Variants in GFM1 observed in about 807,000 individuals in gnomAD.
The protein encoded by GFM1 is G elongation factor mitochondrial 1, also known as elongation factor G, mitochondrial.
In GFM1, 62 loss-of-function variants were observed where a neutral mutation model predicts 96.2. The ratio of observed to expected loss-of-function variants is 0.64; its 90% CI spans 0.53 to 0.80. GFM1 has a LOEUF of 0.80. Among genes scored for constraint, GFM1 ranks in the 30% least tolerant of loss-of-function variants. GFM1 has a pLI of 0.00. For synonymous variants in GFM1, 282 were observed against 312.9 expected (o/e 0.90, Z 1.04); for missense variants, 852 against 916.6 (o/e 0.93, Z 0.91).
At chr3:158,655,452 C>T (rs1722669052) in intron 8 of GFM1, among the ~76,000 whole-genome samples, 1 of 150,720 alleles carries the variant, frequency 6.6e-6, no homozygotes, top group Admixed American at 6.6e-5. Flanking sequence ...CCACTGCACT[C>T]CAGCCTGGGC....
chr3:158,667,100 G>T, intron 13 of GFM1: 2 of 1,551,356 alleles, frequency 1.3e-6, no homozygotes, highest in African/African-American at 1.4e-5. Context: ...AAAACGTGTT[G>T]TTTAAAACTT....
At chr3:158,644,742 G>A (rs758326841) in intron 1 of GFM1, 27 bp downstream of exon 1, 37 of 1,544,618 alleles carry the variant, frequency 2.4e-5, no homozygotes, top group Non-Finnish European at 2.8e-5. Flanking sequence ...AGGCTAAATC[G>A]GGACCATTCC....
At chr3:158,662,755 G>A (rs1001488667) in intron 11 of GFM1, 71 bp downstream of exon 11, 3 of 881,160 alleles carry the variant, frequency 3.4e-6, no homozygotes, top group Non-Finnish European at 5.8e-6. Context: ...TCTCTACAAT[G>A]CACTTGATAT....
rs1418249862 is a variant in GFM1 at position 158,676,768 on chromosome 3, C to T, written c.1602-5227C>T. Among the ~76,000 whole-genome samples the T allele has an allele frequency of 2.0e-5, 3 of 151,094 alleles. No homozygotes were observed. In the East Asian group the frequency reaches 5.8e-4, roughly 29 times the overall value. On this transcript the variant is annotated intron_variant, in intron 13 of 17. Transcript: ENST00000486715. ...AGGCTGGAGTGCAGTGGTGCAATCT[C>T]AGCTAACTGCAACCTCCGCCTCCCA... is the stretch of plus-strand genomic sequence containing the variant.
Position 158,660,878 on chromosome 3 carries a change from T to C in GFM1, c.1226T>C (p.Val409Ala). The change falls in exon 10 of 18, where the codon GTT (valine) becomes GCT (alanine). Residue 409 changes from valine to alanine, a missense_variant. Coordinates refer to ENST00000486715, the MANE Select transcript of GFM1 (RefSeq NM_024996.7). ...TTGTGTTATTTGTTTTTTTAGGATG[T>C]TGAGGAAGTATATGCCGGAGACATC... ...ARMHADMMED[V>A]EEVYAGDICA... is the part of the protein sequence containing the mutation. The C allele has an allele frequency of 6.2e-7, 1 of 1,612,864 alleles. No individual in the cohort carries two copies. The highest frequency in any genetic ancestry group is 8.5e-7 in the Non-Finnish European group (1 of 1,178,884).
At chr3:158,688,173 A>T (rs1726019627) in intron 15 of GFM1, among the ~76,000 whole-genome samples, 1 of 152,216 alleles carries the variant, frequency 6.6e-6, no homozygotes, top group African/African-American at 2.4e-5. Flanking sequence ...TGTTTTCATG[A>T]TACTGATCAG....
intron 15 of GFM1, chr3:158,684,885 C>G: frequency 2.0e-6 from 1 of 497,986 alleles, no homozygotes; most frequent in South Asian, 3.0e-5. Context: ...CCTACATTCT[C>G]TGGGGCTTTC....
intron 13 of GFM1, chr3:158,669,118 C>G: frequency 6.2e-7 from 1 of 1,613,378 alleles, no homozygotes; most frequent in Non-Finnish European, 8.5e-7. Flanking sequence ...TCTGGAGATA[C>G]ATTTCCAAAA....
rs1423436825 is a variant in GFM1 at position 158,660,875 on chromosome 3, A to C, written c.1223A>C (p.Asp408Ala). 1 of 1,611,778 alleles carries C rather than the reference A, an allele frequency of 6.2e-7. No homozygotes were observed. The stretch of plus-strand genomic sequence containing the variant: ...ATTTTGTGTTATTTGTTTTTTTAGG[A>C]TGTTGAGGAAGTATATGCCGGAGAC... ...LARMHADMME[D>A]VEEVYAGDIC... The change falls in exon 10 of 18, where the codon GAT becomes GCT. Residue 408 changes from aspartate to alanine, a missense_variant and splice_region_variant. Coordinates refer to ENST00000486715, the MANE Select transcript of GFM1 (RefSeq NM_024996.7).
chr3:158,681,720 C>T (rs185072264), intron 13 of GFM1, among the ~76,000 whole-genome samples: 113 of 152,294 alleles, frequency 7.4e-4, no homozygotes, highest in African/African-American at 2.7e-3. Context: ...GAACCTTAGA[C>T]TGACCTTTTT....
chr3:158,646,647 C>T, intron 3 of GFM1, 96 bp from the exon 4 acceptor site: 1 of 1,042,954 alleles, frequency 9.6e-7, no homozygotes, highest in Non-Finnish European at 1.5e-6. Flanking sequence ...TATTAGAAGA[C>T]TTATGTGATG....
At chr3:158,689,747 CAAAAA>C (rs202180927) in intron 15 of GFM1, among the ~76,000 whole-genome samples, 2 of 92,264 alleles carry the variant, frequency 2.2e-5, no homozygotes. Context: ...GCTTGGGTGA[CAAAAA>C]AAAAAAAAAA....
chr3:158,685,987 A>G (rs948630845), intron 15 of GFM1, among the ~76,000 whole-genome samples: 2 of 151,926 alleles, frequency 1.3e-5, no homozygotes, highest in African/African-American at 4.8e-5. Flanking sequence ...TCCTGGAAAT[A>G]GAGGTTACAT....
intron 1 of GFM1, 75 bp from the exon 2 acceptor site, chr3:158,645,554 A>G (rs1721703326): frequency 8.9e-6 from 11 of 1,233,446 alleles, no homozygotes; most frequent in African/African-American, 1.5e-5. Context: ...AATAATGTCC[A>G]CCATACTCCT....
chr3:158,686,721 G>GTTTTTTTTTTTTTTTTTTTTTTTTTTTTT (rs67517331), intron 15 of GFM1, among the ~76,000 whole-genome samples: 1 of 85,730 alleles, frequency 1.2e-5, no homozygotes, highest in Non-Finnish European at 2.1e-5. Flanking sequence ...TTGAATTGAG[G>GTTTTTTTTTTTTTTTTTTTTTTTTTTTTT]TTTTTTTTTT....
Position 158,693,834 on chromosome 3 carries a change from G to C in GFM1, c.*2367G>C, listed in dbSNP as rs762659937. The C allele has an allele frequency of 2.0e-4, 31 of 152,130 alleles. No homozygotes were observed. The highest frequency in any genetic ancestry group is 3.2e-4 in the Non-Finnish European group (22 of 68,028). 9.4% of individuals were successfully genotyped at this position (152,130 alleles called of 1,614,324 possible). A position where few individuals can be genotyped will look rare whatever the true frequency, so the allele number is the denominator to read the frequency against. On this transcript the variant is annotated 3_prime_UTR_variant, in exon 18 of 18. Coordinates refer to ENST00000486715, the MANE Select transcript of GFM1 (RefSeq NM_024996.7). ...TACACCCAGATATTTAGATTATTTG[G>C]CTGGATCAAGATAAAAACTTTTTTG...
Position 158,678,330 on chromosome 3 carries a change from A to C in GFM1, c.1602-3665A>C, listed in dbSNP as rs1396112094. ...GTAAGGCGATCGCTGCCATAGGTTG[A>C]TTCCTCTGATGGATCTGGACGAAGT... On this transcript the variant is annotated intron_variant, in intron 13 of 17. Coordinates refer to ENST00000486715, the MANE Select transcript of GFM1 (RefSeq NM_024996.7). Among the ~76,000 whole-genome samples the C allele has an allele frequency of 2.0e-5, 3 of 152,228 alleles. No individual in the cohort carries two copies. In the East Asian group the frequency reaches 5.8e-4, roughly 29 times the overall value.
intron 4 of GFM1, among the ~76,000 whole-genome samples, 177 bp downstream of exon 4, chr3:158,647,124 C>T (rs111252329): frequency 2.0e-4 from 31 of 152,176 alleles, no homozygotes; most frequent in African/African-American, 6.7e-4. Context: ...GTGGTATGAT[C>T]TCATCAACTA....
chr3:158,648,888 C>G (rs1295414900), intron 4 of GFM1, among the ~76,000 whole-genome samples, 153 bp from the exon 5 acceptor site: 1 of 152,042 alleles, frequency 6.6e-6, no homozygotes, highest in Non-Finnish European at 1.5e-5. Context: ...TCAGTCTGTT[C>G]CCAGCTGCTT....
Sources: gnomAD v4.1 joint callset for allele counts (sites outside exome capture counted in the v4.1 genomes callset) on GRCh38, gnomAD v4.1.1 for gene constraint, MANE v1.5 for transcripts, NCBI Gene and HGNC (gene_info 2026-07-23, HGNC 2026-07-21) for gene names.